The following LNPK variants were observed in gnomAD, a reference collection of about 807,000 sequenced individuals.
LNPK encodes the protein lunapark, ER junction formation factor, also known as endoplasmic reticulum junction formation protein lunapark.
LNPK carries 29 observed loss-of-function variants against 55.2 expected under a neutral mutation model. That is an observed-to-expected ratio of 0.53 (90% CI 0.39 to 0.72). LNPK has a LOEUF of 0.72. Among genes scored for constraint, LNPK ranks in the 30% least tolerant of loss-of-function variants. LNPK has a pLI of 0.00. For missense variants in LNPK, 467 were observed against 494.8 expected, an observed-to-expected ratio of 0.94 and a Z score of 0.53; for synonymous variants, 162 against 168.2, an observed-to-expected ratio of 0.96 and a Z score of 0.29.
chr2:175,938,378 G>T lies in LNPK; in HGVS notation c.818C>A (p.Ala273Glu). 6.3e-7 allele frequency: 1 copy of T among 1,586,472 alleles called. No individual in the cohort carries two copies. The highest frequency in any genetic ancestry group is 8.6e-7 in the Non-Finnish European group (1 of 1,158,774). Residue 273 changes from alanine to glutamate, a missense_variant, in exon 11 of 13, where the codon GCA becomes GAA. Coordinates refer to ENST00000272748, the MANE Select transcript of LNPK (RefSeq NM_030650.3). ...AGAAAAACACTGCTGACATATAAGT[G>T]CATACCTACACCGTAAGGAAAAATG... ...LVGDGPQNRY[A>E]LICQQCFSHN...
intron 9 of LNPK, among the ~76,000 whole-genome samples, chr2:175,940,518 A>C (rs1290522990): frequency 6.6e-6 from 1 of 152,142 alleles, no homozygotes; most frequent in Admixed American, 6.6e-5. Flanking sequence ...GAGTGGGAGA[A>C]CCTCCTAACA....
chr2:175,930,275 A>AACACACACACACACACAC (rs35338571), intron 12 of LNPK, 76 bp from the exon 13 acceptor site: 5 of 661,268 alleles, frequency 7.6e-6, no homozygotes, highest in Non-Finnish European at 1.3e-5. Flanking sequence ...AAAAAAGATA[A>AACACACACACACACACAC]ACACACACAC....
chr2:175,993,681 T>C (rs1246798761), intron 2 of LNPK, among the ~76,000 whole-genome samples: 1 of 151,928 alleles, frequency 6.6e-6, no homozygotes, highest in Non-Finnish European at 1.5e-5. Flanking sequence ...CAATCCCAGC[T>C]ACTCAGGAGG....
rs559155949 is a variant in LNPK, at chr2:175,973,058, ATTAC to A, written c.317-2258_317-2255del. 1.1e-3 allele frequency among the ~76,000 whole-genome samples: 163 copies of A among 152,342 alleles called. 1 individual carries two copies. The highest frequency in any genetic ancestry group is 3.4e-3 in the African/African-American group (142 of 41,584). ...CATTTTTATAGCACTTTTAAAAAAA[ATTAC>A]TTGTCATTACAATGTTGTTTTCTAA... is the stretch of plus-strand genomic sequence containing the variant. On this transcript the variant is annotated intron_variant, in intron 5 of 12. Coordinates refer to ENST00000272748, the MANE Select transcript of LNPK (RefSeq NM_030650.3).
At chr2:175,947,033 C>CA (rs1295609015) in intron 9 of LNPK, among the ~76,000 whole-genome samples, 2 of 151,542 alleles carry the variant, frequency 1.3e-5, no homozygotes, top group African/African-American at 4.9e-5. Flanking sequence ...TCTACTAGCC[C>CA]ACATTAACAA....
chr2:175,981,657 T>C (rs1341402215), intron 4 of LNPK, among the ~76,000 whole-genome samples: 1 of 152,128 alleles, frequency 6.6e-6, no homozygotes, highest in African/African-American at 2.4e-5. Flanking sequence ...GTCAGGGGAA[T>C]TGCAAATGCC....
chr2:175,977,808 T>C (rs1686980838), intron 5 of LNPK, among the ~76,000 whole-genome samples: 1 of 152,134 alleles, frequency 6.6e-6, no homozygotes, highest in Non-Finnish European at 1.5e-5. Flanking sequence ...GAGAAATTGG[T>C]GGTAGCTTAA....
chr2:175,946,246 A>G (rs1430793814), intron 9 of LNPK, among the ~76,000 whole-genome samples: 6 of 152,170 alleles, frequency 3.9e-5, no homozygotes, highest in Non-Finnish European at 8.8e-5. Flanking sequence ...ACAAATGTAT[A>G]TAATCCATAC....
intron 9 of LNPK, 146 bp from the exon 10 acceptor site, chr2:175,939,803 A>G: frequency 5.9e-6 from 3 of 511,924 alleles, no homozygotes; most frequent in Non-Finnish European, 1.0e-5. Context: ...AAATCTCTGA[A>G]GAACATTCAA....
intron 5 of LNPK, among the ~76,000 whole-genome samples, chr2:175,977,746 G>A (rs1686975369): frequency 6.6e-6 from 1 of 152,152 alleles, no homozygotes; most frequent in Non-Finnish European, 1.5e-5. Context: ...AGGAAAAGAA[G>A]AGATAACAAC....
intron 1 of LNPK, among the ~76,000 whole-genome samples, chr2:175,999,151 T>C (rs1688069465): frequency 6.6e-6 from 1 of 152,236 alleles, no homozygotes; most frequent in Admixed American, 6.5e-5. Context: ...ACTGTTTTAC[T>C]GTAATGCATA....
intron 4 of LNPK, among the ~76,000 whole-genome samples, chr2:175,987,981 T>C (rs138307306): frequency 1.8e-4 from 28 of 152,336 alleles, no homozygotes; most frequent in Non-Finnish European, 2.8e-4. Context: ...AGTTGAAATA[T>C]AGCAGAATAT....
At chr2:175,962,884 A>T (rs1431649569) in intron 8 of LNPK, among the ~76,000 whole-genome samples, 53 of 151,254 alleles carry the variant, frequency 3.5e-4, no homozygotes, top group Non-Finnish European at 6.8e-4. Context: ...CCCATCAAAA[A>T]GTGGGCGAAG....
At chr2:175,964,622 T>C (rs771859185) in intron 6 of LNPK, 33 bp from the exon 7 acceptor site, 8 of 1,124,420 alleles carry the variant, frequency 7.1e-6, no homozygotes, top group Non-Finnish European at 8.1e-6. Context: ...ATTGTCACAC[T>C]TCAAAACACA....
intron 9 of LNPK, among the ~76,000 whole-genome samples, chr2:175,944,524 T>A (rs1427025220): frequency 6.6e-6 from 1 of 152,152 alleles, no homozygotes; most frequent in Non-Finnish European, 1.5e-5. Flanking sequence ...CAGAAGGCAC[T>A]GAGAAGACAG....
At chr2:175,936,455 T>C (rs573867095) in intron 12 of LNPK, among the ~76,000 whole-genome samples, 7 of 152,312 alleles carry the variant, frequency 4.6e-5, no homozygotes, top group African/African-American at 1.7e-4. Context: ...CGATAATTCC[T>C]AGAAATTAAA....
chr2:175,953,601 G>A (rs1467888064), intron 8 of LNPK, among the ~76,000 whole-genome samples: 2 of 151,356 alleles, frequency 1.3e-5, no homozygotes, highest in Admixed American at 6.6e-5. Flanking sequence ...CTAATTGCCT[G>A]TATCAATCTA....
intron 10 of LNPK, among the ~76,000 whole-genome samples, chr2:175,939,094 A>G (rs145747938): frequency 7.2e-5 from 11 of 152,224 alleles, no homozygotes; most frequent in African/African-American, 2.2e-4. Flanking sequence ...CTATACTTTG[A>G]CAATTGCTCT....
At chr2:175,948,663 C>T (rs1488437787) in intron 8 of LNPK, among the ~76,000 whole-genome samples, 2 of 152,120 alleles carry the variant, frequency 1.3e-5, no homozygotes, top group African/African-American at 4.8e-5. Flanking sequence ...TATCACAAAT[C>T]CTGAATTAGT....
Sources: allele counts gnomAD v4.1 joint callset (sites outside exome capture counted in the v4.1 genomes callset), GRCh38; gene constraint gnomAD v4.1.1; transcripts MANE v1.5; gene names NCBI Gene and HGNC (gene_info 2026-07-23, HGNC 2026-07-21).